The following CDK2AP2 variants were observed in gnomAD, a reference collection of about 807,000 sequenced individuals.
The protein encoded by CDK2AP2 is cyclin dependent kinase 2 associated protein 2.
Under a neutral mutation model 13.0 loss-of-function variants are expected in CDK2AP2, and 1 was observed. That is an observed-to-expected ratio of 0.08 (90% CI 0.03 to 0.37). The LOEUF is 0.37. Among genes scored for constraint, CDK2AP2 ranks in the 10% least tolerant of loss-of-function variants. The probability of loss-of-function intolerance (pLI) is 0.99; values close to 1 mark genes in which losing one functional copy is unlikely to be tolerated. For missense variants in CDK2AP2, 129 were observed against 175.8 expected, an observed-to-expected ratio of 0.73 and a Z score of 1.50; for synonymous variants, 76 against 73.0, an observed-to-expected ratio of 1.04 and a Z score of -0.21.
In CDK2AP2 at chr11:67,506,661, C is replaced by T. The variant is rs547614174; in HGVS notation, c.*284G>A. The T allele has an allele frequency of 1.6e-5, 8 of 496,174 alleles. No homozygotes were observed. In the South Asian group the frequency reaches 1.9e-4, roughly 12 times the overall value. 30.7% of individuals were successfully genotyped at this position (496,174 alleles called of 1,614,324 possible). A position where few individuals can be genotyped will look rare whatever the true frequency, so the allele number is the denominator to read the frequency against. Reference sequence around the variant, plus strand: ...GGCTCGGGACAAAGTGGGAGAAGTGCTGGGAAGGGCTGAGCGGTAGGGGCC... The same window carrying T: ...GGCTCGGGACAAAGTGGGAGAAGTGTTGGGAAGGGCTGAGCGGTAGGGGCC... On this transcript the variant is annotated 3_prime_UTR_variant, in exon 4 of 4. Coordinates refer to ENST00000301488, the MANE Select transcript of CDK2AP2 (RefSeq NM_005851.5).
At position 67,506,888 on chromosome 11, in the gene CDK2AP2, A is replaced by C. The variant is rs192344198; in HGVS notation, c.*57T>G. Reference sequence around the variant, plus strand: ...CAACTCGGGATGAAGGCCAGGGAGAAGCGGGTGCTCTGCAGTGGCCGGATA... The same window carrying C: ...CAACTCGGGATGAAGGCCAGGGAGACGCGGGTGCTCTGCAGTGGCCGGATA... On this transcript the variant is annotated 3_prime_UTR_variant, in exon 4 of 4. Coordinates refer to ENST00000301488, the MANE Select transcript of CDK2AP2 (RefSeq NM_005851.5). The C allele has an allele frequency of 4.4e-4, 615 of 1,401,306 alleles. 9 individuals are homozygous for C. In the East Asian group the frequency reaches 9.4e-3, roughly 21 times the overall value. The allele number at this position is 1,401,306 out of a possible 1,614,324, so 86.8% of individuals were successfully genotyped here.
chr11:67,506,732 C>T lies in CDK2AP2; in HGVS notation c.*213G>A. On this transcript the variant is annotated 3_prime_UTR_variant, in exon 4 of 4. Coordinates refer to ENST00000301488, the MANE Select transcript of CDK2AP2 (RefSeq NM_005851.5). ...CACTGTCGGCAGGTCATGGGTGGGACTCATGGGGACCTCGCTGCTAACTCT... is the reference window on the plus strand; with the variant it reads ...CACTGTCGGCAGGTCATGGGTGGGATTCATGGGGACCTCGCTGCTAACTCT... 1.7e-6 allele frequency: 1 copy of T among 573,346 alleles called. No individual in the cohort carries two copies. The highest frequency in any genetic ancestry group is 3.1e-6 in the Non-Finnish European group (1 of 323,402). The allele number at this position is 573,346 out of a possible 1,614,324, so 35.5% of individuals were successfully genotyped here.
At chr11:67,507,871 C>T (rs776223222) in intron 1 of CDK2AP2, 130 bp downstream of exon 1, 11 of 1,540,978 alleles carry the variant, frequency 7.1e-6, no homozygotes, top group South Asian at 2.4e-5. Flanking sequence ...TGACCACGCC[C>T]ACTTCACAGG....
In CDK2AP2 at chr11:67,507,435, T is replaced by G; in HGVS notation, c.243A>C (p.Ile81=). The G allele has an allele frequency of 6.2e-7, 1 of 1,613,884 alleles. No individual in the cohort carries two copies. Among genetic ancestry groups the G allele is most frequent in the Admixed American group, 1.7e-5 (1 of 60,034 alleles). ...GCCGGATCTCTTTGCCCATCTCCTC[T>G]ATGACTGACAGCAGGTCCGTGTAGG... is the stretch of plus-strand genomic sequence containing the variant. ...QSTYTDLLSV[I]EEMGKEIRPT... Residue 81 remains isoleucine, a synonymous_variant, in exon 3 of 4, where the codon ATA becomes ATC. Coordinates refer to ENST00000301488, the MANE Select transcript of CDK2AP2 (RefSeq NM_005851.5).
At chr11:67,507,316 G>A (rs1456231657) in intron 3 of CDK2AP2, 49 bp downstream of exon 3, 3 of 1,609,820 alleles carry the variant, frequency 1.9e-6, no homozygotes, top group East Asian at 2.2e-5. Flanking sequence ...CCCTCATGAA[G>A]GATAGTCCAG....
intron 3 of CDK2AP2, 121 bp from the exon 4 acceptor site, chr11:67,507,133 G>T (rs769310557): frequency 2.4e-6 from 2 of 849,886 alleles, no homozygotes; most frequent in Non-Finnish European, 3.6e-6. Flanking sequence ...TCTAATGACG[G>T]CTAGATGAAA....
Position 67,508,093 on chromosome 11 carries a change from T to C in CDK2AP2, c.-11A>G. 1 of 1,462,180 alleles carries C rather than the reference T, an allele frequency of 6.8e-7. No homozygotes were observed. Among genetic ancestry groups the C allele is most frequent in the Non-Finnish European group, 9.0e-7 (1 of 1,107,650 alleles). The allele number at this position is 1,462,180 out of a possible 1,614,324, so 90.6% of individuals were successfully genotyped here. ...GGGTTTGTAGGACATCCCCAACTCC[T>C]GGGCGCGGCGGACGCCAGCCGGCCG... On this transcript the variant is annotated 5_prime_UTR_variant, in exon 1 of 4. Transcript: ENST00000301488.
In CDK2AP2 at chr11:67,508,112, C is replaced by T; in HGVS notation, c.-30G>A. Reference sequence around the variant, plus strand: ...AACTCCTGGGCGCGGCGGACGCCAGCCGGCCGCTCCTCGGGGGTTGGCTGC... The same window carrying T: ...AACTCCTGGGCGCGGCGGACGCCAGTCGGCCGCTCCTCGGGGGTTGGCTGC... On this transcript the variant is annotated 5_prime_UTR_variant, in exon 1 of 4. Transcript: ENST00000301488. 1.4e-6 allele frequency: 2 copies of T among 1,449,618 alleles called. No individual in the cohort carries two copies. Among genetic ancestry groups the T allele is most frequent in the Non-Finnish European group, 1.8e-6 (2 of 1,102,990 alleles). The allele number at this position is 1,449,618 out of a possible 1,614,324, so 89.8% of individuals were successfully genotyped here. A position where few individuals can be genotyped will look rare whatever the true frequency, so the allele number is the denominator to read the frequency against.
At chr11:67,507,254 A>G in intron 3 of CDK2AP2, 111 bp downstream of exon 3, 1 of 1,232,034 alleles carries the variant, frequency 8.1e-7, no homozygotes, top group African/African-American at 1.5e-5. Context: ...TCTGGTAGTA[A>G]TACTGGACAT....
intron 1 of CDK2AP2, 107 bp downstream of exon 1, chr11:67,507,894 G>A: frequency 6.5e-7 from 1 of 1,544,352 alleles, no homozygotes. Context: ...AGCAAACTGA[G>A]GCTCAGCGAG....
chr11:67,507,756 C>G (rs1866565106), intron 1 of CDK2AP2, 67 bp from the exon 2 acceptor site: 1 of 1,587,308 alleles, frequency 6.3e-7, no homozygotes, highest in African/African-American at 1.3e-5. Flanking sequence ...CTTTTCCAAG[C>G]CCAGGACCGG....
chr11:67,507,606 T>A lies in CDK2AP2; in HGVS notation c.166A>T (p.Met56Leu). The A allele has an allele frequency of 6.2e-7, 1 of 1,613,570 alleles. No individual in the cohort carries two copies. Among genetic ancestry groups the A allele is most frequent in the Non-Finnish European group, 8.5e-7 (1 of 1,180,020 alleles). ...PLFNDFGPPS[M>L]GYVQAMKPPG... ...GCCCCACTCACCTGCACGTAGCCCA[T>A]GGAAGGCGGTCCAAAGTCGTTAAAC... is the stretch of plus-strand genomic sequence containing the variant. The change falls in exon 2 of 4, where the codon ATG becomes TTG. Residue 56 changes from methionine to leucine, a missense_variant. By Grantham distance (15) the Met-to-Leu change is conservative (BLOSUM62 2). Around this residue, in one of 2 missense-constraint regions of CDK2AP2, gnomAD observed 98 missense variants for 99.7 expected, o/e 0.98. Coordinates refer to ENST00000301488, the MANE Select transcript of CDK2AP2 (RefSeq NM_005851.5).
At position 67,507,821 on chromosome 11, in the gene CDK2AP2, A is replaced by T; in HGVS notation, c.83-132T>A. On this transcript the variant is annotated intron_variant, in intron 1 of 3. Transcript: ENST00000301488. Reference sequence around the variant, plus strand: ...CATTCCATGCTGATCAACTTCAGGGACAAATCCCTCCCACTGCGCTCCACC... The same window carrying T: ...CATTCCATGCTGATCAACTTCAGGGTCAAATCCCTCCCACTGCGCTCCACC... 2.6e-6 allele frequency: 4 copies of T among 1,537,064 alleles called. No homozygotes were observed. In the South Asian group the frequency reaches 4.8e-5, roughly 18 times the overall value.
chr11:67,507,213 G>C, intron 3 of CDK2AP2, 152 bp downstream of exon 3: 1 of 956,614 alleles, frequency 1.0e-6, no homozygotes, highest in Non-Finnish European at 1.6e-6. Context: ...CCTGGAAATG[G>C]ACTCAATTTC....
Position 67,506,719 on chromosome 11 carries a change from G to T in CDK2AP2, c.*226C>A, listed in dbSNP as rs758088110. The T allele has an allele frequency of 7.1e-6, 4 of 566,068 alleles. No homozygotes were observed. Among genetic ancestry groups the T allele is most frequent in the African/African-American group, 3.8e-5 (2 of 52,282 alleles). The allele number at this position is 566,068 out of a possible 1,614,324, so 35.1% of individuals were successfully genotyped here. ...TTCCGGTGGGCAACACTGTCGGCAG[G>T]TCATGGGTGGGACTCATGGGGACCT... On this transcript the variant is annotated 3_prime_UTR_variant, in exon 4 of 4. Coordinates refer to ENST00000301488, the MANE Select transcript of CDK2AP2 (RefSeq NM_005851.5).
At position 67,507,348 on chromosome 11, in the gene CDK2AP2, G is replaced by A; in HGVS notation, c.313+17C>T. 6.2e-7 allele frequency: 1 copy of A among 1,611,892 alleles called. No homozygotes were observed. Among genetic ancestry groups the A allele is most frequent in the Non-Finnish European group, 8.5e-7 (1 of 1,179,948 alleles). On this transcript the variant is annotated intron_variant, in intron 3 of 3. Transcript: ENST00000301488. ...CCAGTGTCGGTTTCCTGAGCAGGGCGGCCTGGCCTCACTTACCTCTCTTCA... is the reference window on the plus strand; with the variant it reads ...CCAGTGTCGGTTTCCTGAGCAGGGCAGCCTGGCCTCACTTACCTCTCTTCA...
chr11:67,507,817 A>G (rs1199541226), intron 1 of CDK2AP2, 128 bp from the exon 2 acceptor site: 5 of 1,537,304 alleles, frequency 3.3e-6, no homozygotes, highest in Non-Finnish European at 4.4e-6. Context: ...GATCAACTTC[A>G]GGGACAAATC....
chr11:67,506,630 G>C lies in CDK2AP2; in HGVS notation c.*315C>G, dbSNP rs192772364. 392 of 444,934 alleles carry C rather than the reference G, an allele frequency of 8.8e-4. 1 individual carries two copies. Among genetic ancestry groups the C allele is most frequent in the Non-Finnish European group, 1.4e-3 (343 of 246,668 alleles). 27.6% of individuals were successfully genotyped at this position (444,934 alleles called of 1,614,324 possible). A position where few individuals can be genotyped will look rare whatever the true frequency, so the allele number is the denominator to read the frequency against. ...CCAGGCCTGTGCCCCTGCTGGGGGA[G>C]AAGGAGGCTCGGGACAAAGTGGGAG... On this transcript the variant is annotated 3_prime_UTR_variant, in exon 4 of 4. Transcript: ENST00000301488.
rs1866537897 is a variant in CDK2AP2, at chr11:67,506,890, CG to C, written c.*54del. On this transcript the variant is annotated 3_prime_UTR_variant, in exon 4 of 4. Transcript: ENST00000301488. ...ACTCGGGATGAAGGCCAGGGAGAAG[CG>C]GGTGCTCTGCAGTGGCCGGATAGGT... The C allele has an allele frequency of 7.1e-7, 1 of 1,410,014 alleles. No homozygotes were observed. The highest frequency in any genetic ancestry group is 1.4e-5 in the African/African-American group (1 of 70,242). 87.3% of individuals were successfully genotyped at this position (1,410,014 alleles called of 1,614,324 possible).
Sources: allele counts gnomAD v4.1 joint callset, GRCh38; gene constraint gnomAD v4.1.1; regional missense constraint gnomAD v4.1.1; transcripts MANE v1.5; gene names NCBI Gene and HGNC (gene_info 2026-07-23, HGNC 2026-07-21).